Variants in ZNF577 observed in about 807,000 individuals in gnomAD.
The protein encoded by ZNF577 is zinc finger protein 577.
Under a neutral mutation model 13.9 loss-of-function variants are expected in ZNF577, and 14 were observed. That is an observed-to-expected ratio of 1.00 (90% CI 0.66 to 1.57). The LOEUF (loss-of-function observed/expected upper bound fraction) is 1.57. Ranked by LOEUF, ZNF577 falls within the 40% of genes most tolerant of loss-of-function variation. The pLI is 0.00. For missense variants in ZNF577, 555 were observed against 579.2 expected, an observed-to-expected ratio of 0.96 and a Z score of 0.43; for synonymous variants, 203 against 202.9, an observed-to-expected ratio of 1.00 and a Z score of 0.00.
chr19:51,809,867 G>C (rs1192285694), intron 10 of ZNF577, among the ~76,000 whole-genome samples: 1 of 152,138 alleles, frequency 6.6e-6, no homozygotes, highest in African/African-American at 2.4e-5. Context: ...CCTGGAACGG[G>C]GTTGAGGTCT....
intron 9 of ZNF577, among the ~76,000 whole-genome samples, chr19:51,813,401 C>A (rs1363831695): frequency 2.6e-5 from 4 of 151,178 alleles, no homozygotes; most frequent in Non-Finnish European, 4.4e-5. Context: ...GTATGAGCAA[C>A]CTCATTTATA....
chr19:51,820,438 T>C (rs1308727262), intron 9 of ZNF577, among the ~76,000 whole-genome samples: 7 of 152,194 alleles, frequency 4.6e-5, no homozygotes, highest in Non-Finnish European at 8.8e-5. Flanking sequence ...TTGCACCAAA[T>C]AGCAGCCCTC....
At chr19:51,827,831 C>G (rs2084239693) in intron 9 of ZNF577, among the ~76,000 whole-genome samples, 1 of 152,136 alleles carries the variant, frequency 6.6e-6, no homozygotes, top group Non-Finnish European at 1.5e-5. Context: ...ACATACTTTC[C>G]TGATGCACTG....
chr19:51,855,367 C>CTGTGTGTGTGTGTGTG (rs55937420), intron 5 of ZNF577, among the ~76,000 whole-genome samples: 182 of 143,556 alleles, frequency 1.3e-3, no homozygotes, highest in African/African-American at 4.3e-3. Context: ...GCTGAGGGTG[C>CTGTGTGTGTGTGTGTG]TGTGTGTGTG....
chr19:51,878,314 A>G, intron 4 of ZNF577, 75 bp downstream of exon 4: 1 of 1,475,560 alleles, frequency 6.8e-7, no homozygotes, highest in East Asian at 2.3e-5. Context: ...AGTCTAAACC[A>G]TTAAATATTT....
chr19:51,829,064 A>C (rs543552346), intron 9 of ZNF577, among the ~76,000 whole-genome samples: 13 of 152,150 alleles, frequency 8.5e-5, no homozygotes, highest in Non-Finnish European at 1.6e-4. Flanking sequence ...TGTACTGGGT[A>C]TAAGTTGCAA....
chr19:51,855,326 T>C (rs1042217336), intron 5 of ZNF577, among the ~76,000 whole-genome samples: 1 of 133,092 alleles, frequency 7.5e-6, no homozygotes, highest in African/African-American at 3.3e-5. Flanking sequence ...CAAGATTTCC[T>C]TCATTTCTCT....
At chr19:51,828,271 G>A (rs562969673) in intron 9 of ZNF577, among the ~76,000 whole-genome samples, 6 of 152,126 alleles carry the variant, frequency 3.9e-5, no homozygotes, top group Admixed American at 1.3e-4. Flanking sequence ...GGAAGACTGA[G>A]GAAGGAGAAT....
chr19:51,813,304 T>C (rs2084111119), intron 9 of ZNF577, among the ~76,000 whole-genome samples: 2 of 152,128 alleles, frequency 1.3e-5, no homozygotes, highest in Non-Finnish European at 2.9e-5. Flanking sequence ...GACAAGTGCC[T>C]ATAGGACTCT....
chr19:51,824,135 T>C lies in ZNF577; in HGVS notation c.*600-12461A>G. ...TGGACCGCTGTATTTGTGTCCTGCA[T>C]CCAGCCTGGGCCCAGAACCATCGCA... On this transcript the variant is annotated intron_variant and NMD_transcript_variant, in intron 9 of 10. Transcript: ENST00000638827. This position sits in a 1 kb window ranked among gnomAD's most constrained non-coding sequence, Gnocchi z 4.7. The C allele has an allele frequency of 6.2e-7, 1 of 1,613,968 alleles. No individual in the cohort carries two copies. Among genetic ancestry groups the C allele is most frequent in the Non-Finnish European group, 8.5e-7 (1 of 1,179,918 alleles).
At position 51,824,067 on chromosome 19, in the gene ZNF577, A is replaced by C. The variant is rs762763346; in HGVS notation, c.*600-12393T>G. On this transcript the variant is annotated intron_variant and NMD_transcript_variant, in intron 9 of 10. Coordinates refer to the ZNF577 transcript ENST00000638827. This position sits in a 1 kb window ranked among gnomAD's most constrained non-coding sequence, Gnocchi z 4.7. ...TAAGTTAGTTCATGTTATGATAGAC[A>C]TCAACCTGTTTGTCAGTGTCTACCT... is the stretch of plus-strand genomic sequence containing the variant. The C allele has an allele frequency of 1.1e-5, 18 of 1,614,028 alleles. 1 individual carries two copies. Among genetic ancestry groups the C allele is most frequent in the Non-Finnish European group, 5.1e-6 (6 of 1,180,016 alleles).
chr19:51,807,259 T>C, intron 10 of ZNF577, among the ~76,000 whole-genome samples: 1 of 152,182 alleles, frequency 6.6e-6, no homozygotes, highest in Non-Finnish European at 1.5e-5. Context: ...CACAGCAGGC[T>C]TGCAAGACTG....
At chr19:51,852,882 T>C (rs7255208) in intron 5 of ZNF577, among the ~76,000 whole-genome samples, 57,130 of 151,684 alleles carry the variant, frequency 0.38, 11,878 homozygotes, top group African/African-American at 0.54. Context: ...TGTCTTTACA[T>C]GGCTAGCTGT....
At chr19:51,811,782 C>G (rs1277714825) in intron 9 of ZNF577, 1 of 136,264 alleles carries the variant, frequency 7.3e-6, no homozygotes, top group Non-Finnish European at 1.6e-5. Flanking sequence ...GAGCTCGGCA[C>G]CAGGAGGCGA....
At chr19:51,826,416 A>G (rs1375286602) in intron 9 of ZNF577, among the ~76,000 whole-genome samples, 1 of 152,162 alleles carries the variant, frequency 6.6e-6, no homozygotes, top group African/African-American at 2.4e-5. Flanking sequence ...AGCCAACTGG[A>G]TCTTGGGTTT....
chr19:51,863,707 G>C (rs114072549), downstream of ZNF577, among the ~76,000 whole-genome samples: 790 of 152,250 alleles, frequency 5.2e-3, 9 homozygotes, highest in African/African-American at 0.016. Context: ...TTTTCAAAAG[G>C]AGAAAATAAA....
In ZNF577 at chr19:51,877,397, G is replaced by A. The variant is rs143182302; in HGVS notation, c.188-20C>T. The A allele has an allele frequency of 8.0e-3, 12,855 of 1,600,474 alleles. 227 individuals are homozygous for A. The highest frequency in any genetic ancestry group is 0.057 in the Admixed American group (3,393 of 59,952). On this transcript the variant is annotated intron_variant, in intron 4 of 5. Coordinates refer to ENST00000638348, the MANE Select transcript of ZNF577 (RefSeq NM_001370449.1). ...GATACCCTGTAAATGGGAGATCACTGAACACTTGGCACGTGTGCTTGGGGA... is the reference window on the plus strand; with the variant it reads ...GATACCCTGTAAATGGGAGATCACTAAACACTTGGCACGTGTGCTTGGGGA...
Position 51,887,349 on chromosome 19 carries a change from T to C in ZNF577, c.-747A>G, listed in dbSNP as rs2084963968. The C allele has an allele frequency of 6.6e-6, 1 of 152,150 alleles. No individual in the cohort carries two copies. Among genetic ancestry groups the C allele is most frequent in the Non-Finnish European group, 1.5e-5 (1 of 68,036 alleles). The allele number at this position is 152,150 out of a possible 1,614,324, so 9.4% of individuals were successfully genotyped here. ...ATGTTATTAAAGACGAATAAAATTA[T>C]ACCAATACCTAGACACCTGATCCCA... is the stretch of plus-strand genomic sequence containing the variant. On this transcript the variant is annotated 5_prime_UTR_variant, in exon 1 of 6. Transcript: ENST00000638348.
intron 5 of ZNF577, among the ~76,000 whole-genome samples, chr19:51,846,362 G>A (rs1415218494): frequency 6.6e-6 from 1 of 152,106 alleles, no homozygotes; most frequent in African/African-American, 2.4e-5. Flanking sequence ...GGTAACTAGG[G>A]TTAGATGAGG....
Sources: allele counts gnomAD v4.1 joint callset (sites outside exome capture counted in the v4.1 genomes callset), GRCh38; gene constraint gnomAD v4.1.1; non-coding constraint Gnocchi (gnomAD v3.1); transcripts MANE v1.5; gene names NCBI Gene and HGNC (gene_info 2026-07-23, HGNC 2026-07-21).